The following SPON1 variants were observed in gnomAD, a reference collection of about 807,000 sequenced individuals.
SPON1 encodes the protein spondin-1.
A neutral mutation model predicts 111.7 loss-of-function variants in SPON1; 52 were observed. The ratio of observed to expected loss-of-function variants is 0.47; its 90% CI spans 0.37 to 0.59. SPON1 has a LOEUF of 0.59. Among genes scored for constraint, SPON1 ranks in the 20% least tolerant of loss-of-function variants. SPON1 has a pLI of 0.00. For missense variants in SPON1, 957 were observed against 1,068.5 expected (o/e 0.90, Z 1.46); for synonymous variants, 410 against 395.8 (o/e 1.04, Z -0.43).
chr11:13,989,018 T>C (rs1421831922), intron 2 of SPON1, among the ~76,000 whole-genome samples: 3 of 152,156 alleles, frequency 2.0e-5, no homozygotes, highest in Non-Finnish European at 4.4e-5. Context: ...TCTTTTTTTG[T>C]TCTGTCTCTG....
intron 6 of SPON1, among the ~76,000 whole-genome samples, chr11:14,208,722 A>G (rs1283466772): frequency 1.3e-5 from 2 of 152,212 alleles, no homozygotes; most frequent in Admixed American, 6.5e-5. Flanking sequence ...TATCATTATT[A>G]TTAAATAACT....
chr11:14,214,466 C>T (rs1343608555), intron 6 of SPON1, among the ~76,000 whole-genome samples: 4 of 152,208 alleles, frequency 2.6e-5, no homozygotes, highest in Non-Finnish European at 5.9e-5. Flanking sequence ...CCTGTGTGTG[C>T]ATCTTTCCAA....
intron 5 of SPON1, among the ~76,000 whole-genome samples, chr11:14,134,340 G>A (rs1473187901): frequency 6.6e-6 from 1 of 151,844 alleles, no homozygotes; most frequent in Non-Finnish European, 1.5e-5. Flanking sequence ...ATCCAGTAAG[G>A]TGCTGATACT....
chr11:14,222,377 T>G (rs567907885), intron 6 of SPON1, among the ~76,000 whole-genome samples: 12 of 152,338 alleles, frequency 7.9e-5, no homozygotes, highest in African/African-American at 2.9e-4. Context: ...GTCTTGATAT[T>G]TTGAGACATA....
chr11:14,082,857 C>G (rs140338790), intron 5 of SPON1, among the ~76,000 whole-genome samples: 1 of 152,302 alleles, frequency 6.6e-6, no homozygotes, highest in East Asian at 1.9e-4. Context: ...ATAGTGCAAA[C>G]TGACAATTGC....
chr11:14,004,580 A>G (rs781878242), intron 2 of SPON1, among the ~76,000 whole-genome samples: 2 of 152,162 alleles, frequency 1.3e-5, no homozygotes, highest in African/African-American at 2.4e-5. Flanking sequence ...TTCCCTGATG[A>G]TTAATGATGT....
At chr11:13,985,497 C>G (rs1413597107) in intron 2 of SPON1, among the ~76,000 whole-genome samples, 2 of 152,126 alleles carry the variant, frequency 1.3e-5, no homozygotes, top group African/African-American at 4.8e-5. Context: ...ATGCCCAGCT[C>G]TAAGTGATAA....
At chr11:14,227,406 T>C (rs781926924) in intron 6 of SPON1, among the ~76,000 whole-genome samples, 5 of 152,250 alleles carry the variant, frequency 3.3e-5, no homozygotes, top group African/African-American at 4.8e-5. Flanking sequence ...CCTTTCACTT[T>C]TGTGTGCCTT....
rs1272242130 is a variant in SPON1, at chr11:14,228,788, G to A, written c.826-14544G>A. Among the ~76,000 whole-genome samples, 2 of 152,122 alleles carry A rather than the reference G, an allele frequency of 1.3e-5. No individual in the cohort carries two copies. Among genetic ancestry groups the A allele is most frequent in the Non-Finnish European group, 1.5e-5 (1 of 68,022 alleles). ...ACTAACGCACAATAAAGTTGTATAG[G>A]GCAACCGTGAGATGTGAAAACAAAT... On this transcript the variant is annotated intron_variant, in intron 6 of 15. Coordinates refer to ENST00000576479, the MANE Select transcript of SPON1 (RefSeq NM_006108.4). This position sits in a 1 kb window ranked among gnomAD's most constrained non-coding sequence, Gnocchi z 4.2.
chr11:14,132,320 T>C (rs1847537908), intron 5 of SPON1, among the ~76,000 whole-genome samples: 1 of 152,096 alleles, frequency 6.6e-6, no homozygotes, highest in Non-Finnish European at 1.5e-5. Flanking sequence ...TGTAAGGCCA[T>C]TGTAGGAAAC....
At chr11:13,971,763 G>A (rs939950200) in intron 1 of SPON1, among the ~76,000 whole-genome samples, 1 of 152,012 alleles carries the variant, frequency 6.6e-6, no homozygotes, top group African/African-American at 2.4e-5. Context: ...CTGTTACTAT[G>A]GGACACACTC....
At chr11:14,004,908 G>T (rs1210333363) in intron 2 of SPON1, among the ~76,000 whole-genome samples, 3 of 152,092 alleles carry the variant, frequency 2.0e-5, no homozygotes, top group Non-Finnish European at 2.9e-5. Context: ...CTGGGCTCAA[G>T]TGATCCTCCT....
chr11:14,132,432 G>A (rs1554927611), intron 5 of SPON1, among the ~76,000 whole-genome samples: 1 of 152,184 alleles, frequency 6.6e-6, no homozygotes, highest in Non-Finnish European at 1.5e-5. Flanking sequence ...CTGTTTCTCT[G>A]CACTCGTGCC....
chr11:14,206,412 C>T (rs1338960070), intron 6 of SPON1, among the ~76,000 whole-genome samples: 3 of 152,102 alleles, frequency 2.0e-5, no homozygotes, highest in Non-Finnish European at 4.4e-5. Flanking sequence ...AGGCTGGTCT[C>T]GAACTCCTGA....
chr11:14,105,923 G>T (rs1554924865), intron 5 of SPON1, among the ~76,000 whole-genome samples: 1 of 152,090 alleles, frequency 6.6e-6, no homozygotes, highest in African/African-American at 2.4e-5. Context: ...ATCTATCAAG[G>T]TAAAGTCCCA....
intron 2 of SPON1, among the ~76,000 whole-genome samples, chr11:13,998,488 C>A (rs1848290583): frequency 6.6e-6 from 1 of 152,192 alleles, no homozygotes; most frequent in South Asian, 2.1e-4. Flanking sequence ...TCCTTTCATC[C>A]CATTTGGAAT....
At position 14,030,715 on chromosome 11, in the gene SPON1, G is replaced by A. The variant is rs567249866; in HGVS notation, c.346-10806G>A. Among the ~76,000 whole-genome samples, 11 of 152,334 alleles carry A rather than the reference G, an allele frequency of 7.2e-5. No individual in the cohort carries two copies. The South Asian group carries it at 2.3e-3, about 32-fold the overall frequency. On this transcript the variant is annotated intron_variant, in intron 2 of 15. Coordinates refer to ENST00000576479, the MANE Select transcript of SPON1 (RefSeq NM_006108.4). Reference sequence around the variant, plus strand: ...AAAAGACAAAAAATAACAGATGCTAGCAAGGCTGCGGAGAAAAGGGAACAC... The same window carrying A: ...AAAAGACAAAAAATAACAGATGCTAACAAGGCTGCGGAGAAAAGGGAACAC...
At chr11:13,972,235 G>T (rs1351867091) in intron 1 of SPON1, among the ~76,000 whole-genome samples, 1 of 152,182 alleles carries the variant, frequency 6.6e-6, no homozygotes, top group African/African-American at 2.4e-5. Flanking sequence ...GCCAGGTCTT[G>T]TGTTTGCTAT....
intron 6 of SPON1, among the ~76,000 whole-genome samples, chr11:14,151,813 A>C (rs1847791570): frequency 6.6e-6 from 1 of 152,214 alleles, no homozygotes; most frequent in African/African-American, 2.4e-5. Context: ...TCATGGAGAG[A>C]TAGTCTGCTG....
Sources: allele counts gnomAD v4.1 joint callset (sites outside exome capture counted in the v4.1 genomes callset), GRCh38; gene constraint gnomAD v4.1.1; non-coding constraint Gnocchi (gnomAD v3.1); transcripts MANE v1.5; gene names NCBI Gene and HGNC (gene_info 2026-07-23, HGNC 2026-07-21).